The following L3MBTL4 variants were observed in gnomAD, a reference collection of about 807,000 sequenced individuals.
L3MBTL4 encodes L3MBTL histone methyl-lysine binding protein 4.
Under a neutral mutation model 84.5 loss-of-function variants are expected in L3MBTL4, and 70 were observed. That is an observed-to-expected ratio of 0.83 (90% CI 0.68 to 1.01). L3MBTL4 has a LOEUF of 1.01. L3MBTL4 is among the 50% of genes least tolerant of loss of function. The pLI is 0.00. For missense variants in L3MBTL4, 715 were observed against 754.8 expected, an observed-to-expected ratio of 0.95 and a Z score of 0.62; for synonymous variants, 274 against 259.8, an observed-to-expected ratio of 1.05 and a Z score of -0.52.
At chr18:5,960,715 T>C (rs563051822) in intron 17 of L3MBTL4, 2 of 152,338 alleles carry the variant, frequency 1.3e-5, no homozygotes, top group East Asian at 1.9e-4. Flanking sequence ...CAAGGCCACA[T>C]ACGGTTGATA....
At chr18:5,979,119 G>A (rs937968853) in intron 16 of L3MBTL4, among the ~76,000 whole-genome samples, 1 of 152,170 alleles carries the variant, frequency 6.6e-6, no homozygotes, top group African/African-American at 2.4e-5. Flanking sequence ...CTTCTTGGAT[G>A]AAGGAAAGCC....
At chr18:6,056,717 T>C (rs2057038919) in intron 16 of L3MBTL4, among the ~76,000 whole-genome samples, 1 of 152,032 alleles carries the variant, frequency 6.6e-6, no homozygotes, top group Non-Finnish European at 1.5e-5. Flanking sequence ...GTCAGTTAAC[T>C]CCGTGGGTGT....
chr18:5,961,853 G>A (rs564392894), intron 17 of L3MBTL4, among the ~76,000 whole-genome samples: 24 of 152,214 alleles, frequency 1.6e-4, no homozygotes, highest in South Asian at 4.1e-4. Flanking sequence ...GAAAGCTGTG[G>A]AATGCCGCTG....
intron 13 of L3MBTL4, among the ~76,000 whole-genome samples, chr18:6,155,520 T>C (rs2043065732): frequency 6.6e-6 from 1 of 152,194 alleles, no homozygotes; most frequent in African/African-American, 2.4e-5. Flanking sequence ...TGCACAGAGC[T>C]GTTATCCCAA....
chr18:6,088,178 T>G (rs1393684029), intron 15 of L3MBTL4, among the ~76,000 whole-genome samples: 1 of 152,200 alleles, frequency 6.6e-6, no homozygotes, highest in African/African-American at 2.4e-5. Context: ...AGAGGGATGC[T>G]GAGAGCAAGG....
chr18:6,116,172 G>A (rs965439206), intron 14 of L3MBTL4, among the ~76,000 whole-genome samples: 1 of 152,084 alleles, frequency 6.6e-6, no homozygotes, highest in Non-Finnish European at 1.5e-5. Context: ...GGACATAAAG[G>A]GGTTTTAAAA....
At chr18:6,085,116 A>G (rs2058215776) in intron 15 of L3MBTL4, among the ~76,000 whole-genome samples, 1 of 152,254 alleles carries the variant, frequency 6.6e-6, no homozygotes, top group Non-Finnish European at 1.5e-5. Flanking sequence ...TTGCAAATAA[A>G]AAGTAATGAA....
chr18:6,074,436 C>T (rs1028746856), intron 16 of L3MBTL4, among the ~76,000 whole-genome samples: 2 of 152,122 alleles, frequency 1.3e-5, no homozygotes, highest in Admixed American at 6.5e-5. Flanking sequence ...TCATGTTGTC[C>T]GTGTGTGAAC....
At chr18:6,019,986 G>C (rs12955552) in intron 16 of L3MBTL4, among the ~76,000 whole-genome samples, 77,829 of 152,032 alleles carry the variant, frequency 0.51, 21,678 homozygotes, top group Non-Finnish European at 0.65. Flanking sequence ...GAAGTGTCTT[G>C]AGTACCTACT....
intron 13 of L3MBTL4, among the ~76,000 whole-genome samples, chr18:6,166,165 C>A (rs1050644311): frequency 5.3e-5 from 8 of 152,058 alleles, no homozygotes; most frequent in Admixed American, 5.2e-4. Context: ...ACAGGAGCAC[C>A]CAGATTCATA....
chr18:6,152,603 G>T lies in L3MBTL4; in HGVS notation c.1097-14307C>A, dbSNP rs185979629. ...TTTTAATTATTTAATCAGATTTTTG[G>T]TTTTTTGCTATTGAGTTAGATGAAT... On this transcript the variant is annotated intron_variant, in intron 13 of 18. Transcript: ENST00000317931. Among the ~76,000 whole-genome samples, 86 of 152,102 alleles carry T rather than the reference G, an allele frequency of 5.7e-4. No homozygotes were observed. In the Middle Eastern group the frequency reaches 0.01, roughly 18 times the overall value.
intron 4 of L3MBTL4, among the ~76,000 whole-genome samples, chr18:6,267,906 C>T (rs2048704135): frequency 6.6e-6 from 1 of 152,176 alleles, no homozygotes; most frequent in South Asian, 2.1e-4. Context: ...AGCCTGTAGA[C>T]GGGTCCTCCC....
At chr18:6,389,707 G>A (rs983344066) in intron 1 of L3MBTL4, among the ~76,000 whole-genome samples, 3 of 151,996 alleles carry the variant, frequency 2.0e-5, no homozygotes, top group Non-Finnish European at 4.4e-5. Flanking sequence ...AAGACAAAGA[G>A]GGACATTATA....
chr18:5,955,979 G>T lies in L3MBTL4; in HGVS notation c.*241C>A. 2.3e-6 allele frequency: 1 copy of T among 435,952 alleles called. No homozygotes were observed. The highest frequency in any genetic ancestry group is 3.9e-5 in the East Asian group (1 of 25,780). 27.0% of individuals were successfully genotyped at this position (435,952 alleles called of 1,614,324 possible). A position where few individuals can be genotyped will look rare whatever the true frequency, so the allele number is the denominator to read the frequency against. Reference sequence around the variant, plus strand: ...CTTGCAAACAAATCAGAGCTGAGCGGATCCCACCAAAGATAACAATGTTCG... The same window carrying T: ...CTTGCAAACAAATCAGAGCTGAGCGTATCCCACCAAAGATAACAATGTTCG... On this transcript the variant is annotated 3_prime_UTR_variant, in exon 19 of 19. Transcript: ENST00000317931.
At position 6,228,804 on chromosome 18, in the gene L3MBTL4, G is replaced by A. The variant is rs183037516; in HGVS notation, c.784+9160C>T. Among the ~76,000 whole-genome samples the A allele has an allele frequency of 2.3e-3, 352 of 152,218 alleles. 3 individuals are homozygous for A. Among genetic ancestry groups the A allele is most frequent in the African/African-American group, 7.6e-3 (314 of 41,550 alleles). ...GCCTCCAGGAGCAGGGCACATGGGG[G>A]TCATTGTCATGGACAAAGGATCAGA... On this transcript the variant is annotated intron_variant, in intron 10 of 18. Transcript: ENST00000317931.
At chr18:6,090,236 G>C (rs189185619) in intron 15 of L3MBTL4, among the ~76,000 whole-genome samples, 1 of 152,168 alleles carries the variant, frequency 6.6e-6, no homozygotes, top group East Asian at 1.9e-4. Flanking sequence ...GTATCTTACT[G>C]TTATAAAGAT....
At chr18:6,336,151 C>A (rs901963413) in intron 1 of L3MBTL4, among the ~76,000 whole-genome samples, 9 of 151,888 alleles carry the variant, frequency 5.9e-5, no homozygotes, top group Non-Finnish European at 1.2e-4. Context: ...CCAATACTTT[C>A]TTGAATGACA....
At chr18:6,034,825 T>C (rs1234152192) in intron 16 of L3MBTL4, among the ~76,000 whole-genome samples, 19 of 149,932 alleles carry the variant, frequency 1.3e-4, no homozygotes, top group African/African-American at 4.4e-4. Flanking sequence ...TCCTGACTTT[T>C]TAATGATTGC....
intron 17 of L3MBTL4, among the ~76,000 whole-genome samples, chr18:5,963,766 A>G (rs1215323399): frequency 6.6e-6 from 1 of 152,234 alleles, no homozygotes; most frequent in African/African-American, 2.4e-5. Flanking sequence ...TCTCAATGAA[A>G]GTGGTGAGCT....
Sources: gnomAD v4.1 joint callset for allele counts (sites outside exome capture counted in the v4.1 genomes callset) on GRCh38, gnomAD v4.1.1 for gene constraint, MANE v1.5 for transcripts, NCBI Gene and HGNC (gene_info 2026-07-23, HGNC 2026-07-21) for gene names.